CNOT1: variants seen among roughly 807,000 people sequenced by gnomAD.
CNOT1 encodes CCR4-associated factor 1.
A neutral mutation model predicts 273.8 loss-of-function variants in CNOT1; 15 were observed. The ratio of observed to expected loss-of-function variants is 0.05; its 90% CI spans 0.04 to 0.08. The LOEUF (loss-of-function observed/expected upper bound fraction) is 0.08, where lower values mean the gene tolerates loss of function less well. CNOT1 is among the 10% of genes least tolerant of loss of function. The probability of loss-of-function intolerance (pLI) is 1.00; values close to 1 mark genes in which losing one functional copy is unlikely to be tolerated. For synonymous variants in CNOT1, 1,022 were observed against 1,005.5 expected, an observed-to-expected ratio of 1.02 and a Z score of -0.31; for missense variants, 1,644 against 2,912.2, an observed-to-expected ratio of 0.56 and a Z score of 10.02.
rs1009202359 is a variant in CNOT1 at position 58,547,063 on chromosome 16, T to C, written c.3750+123A>G. On this transcript the variant is annotated intron_variant, in intron 27 of 48. Transcript: ENST00000317147. The surrounding 1 kb of genome is among the most constrained non-coding windows in gnomAD (Gnocchi z 4.0). The stretch of plus-strand genomic sequence containing the variant: ...TCTCAAATTGGAAATCCAAGTGCCA[T>C]AGAGGAAAACAGACTTAACTAGCTT... 5 of 1,332,770 alleles carry C rather than the reference T, an allele frequency of 3.8e-6. No individual in the cohort carries two copies. Among genetic ancestry groups the C allele is most frequent in the East Asian group, 4.9e-5 (2 of 40,832 alleles). 82.6% of individuals were successfully genotyped at this position (1,332,770 alleles called of 1,614,324 possible). A position where few individuals can be genotyped will look rare whatever the true frequency, so the allele number is the denominator to read the frequency against.
In CNOT1 at chr16:58,530,257, T is replaced by C; in HGVS notation, c.6268A>G (p.Ile2090Val). 2 of 1,604,470 alleles carry C rather than the reference T, an allele frequency of 1.2e-6. No homozygotes were observed. The highest frequency in any genetic ancestry group is 1.7e-6 in the Non-Finnish European group (2 of 1,173,432). The change falls in exon 43 of 49, where the codon ATC becomes GTC. Residue 2090 changes from isoleucine (I) to valine (V), a missense_variant. Ile to Val is a conservative substitution (Grantham distance 29, BLOSUM62 3). This residue lies in a region of CNOT1 where 25 missense variants were observed against 31.2 expected (regional missense o/e 0.80). Transcript: ENST00000317147. ...RNVELTKPMQILYKGTLRVLL... is the reference protein window; with the variant it reads ...RNVELTKPMQVLYKGTLRVLL... ...TCCAAGTTAATTACCTTGTAGAGGA[T>C]TTGCATAGGTTTGGTGAGTTCCACA...
At chr16:58,594,010 C>T (rs1422872578) in intron 2 of CNOT1, among the ~76,000 whole-genome samples, 2 of 151,758 alleles carry the variant, frequency 1.3e-5, no homozygotes, top group Admixed American at 6.6e-5. Context: ...TTTGGGAGGC[C>T]AAGGCGGGCA....
chr16:58,531,902 T>C, intron 42 of CNOT1, 56 bp downstream of exon 42: 3 of 1,588,592 alleles, frequency 1.9e-6, no homozygotes, highest in Non-Finnish European at 2.6e-6. Context: ...GCAATGCTAA[T>C]AAATAAGCCC....
At position 58,586,735 on chromosome 16, in the gene CNOT1, G is replaced by T; in HGVS notation, c.447C>A (p.Ile149=). The T allele has an allele frequency of 1.2e-6, 2 of 1,612,818 alleles. No individual in the cohort carries two copies. The highest frequency in any genetic ancestry group is 3.3e-4 in the Middle Eastern group (2 of 6,046). The part of the protein sequence containing the change: ...SDLRGFAAQF[I]KQKLPDLLRS... ...GCAGAAGATCTGGAAGCTTCTGTTT[G>T]ATAAACTGGGCAGCTAGAAGTCAGG... The change falls in exon 7 of 49, where the codon ATC becomes ATA. Residue 149 remains isoleucine, a synonymous_variant. Transcript: ENST00000317147.
chr16:58,557,135 C>G, intron 18 of CNOT1, 142 bp from the exon 19 acceptor site: 6 of 1,173,846 alleles, frequency 5.1e-6, no homozygotes, highest in Non-Finnish European at 6.9e-6. Flanking sequence ...TTTGTTAATT[C>G]CCTTATTACA....
chr16:58,557,715 G>A (rs976186640), intron 18 of CNOT1, among the ~76,000 whole-genome samples: 5 of 152,152 alleles, frequency 3.3e-5, no homozygotes, highest in Non-Finnish European at 2.9e-5. Context: ...GTGGCCAAGC[G>A]CAGTGGCTCA....
intron 2 of CNOT1, 55 bp from the exon 3 acceptor site, chr16:58,588,961 A>G (rs934484165): frequency 6.0e-6 from 9 of 1,490,650 alleles, no homozygotes; most frequent in East Asian, 4.9e-5. Flanking sequence ...AAAAAAAAAA[A>G]GTAAGGTTTC....
Position 58,546,423 on chromosome 16 carries a change from G to T in CNOT1, c.3904C>A (p.Leu1302Ile). The part of the protein sequence containing the change: ...LDINELKPGN[L>I]LKDKDRLKNL... Reference sequence around the variant, plus strand: ...TTCAGGCGATCTTTATCCTTTAGGAGGTTTCCAGGTTTTAGCTCATTGATG... The same window carrying T: ...TTCAGGCGATCTTTATCCTTTAGGATGTTTCCAGGTTTTAGCTCATTGATG... The change falls in exon 29 of 49, where the codon CTC (leucine) becomes ATC (isoleucine). Residue 1302 changes from leucine (L) to isoleucine (I), a missense_variant. Physicochemically the swap from Leu to Ile is conservative, Grantham distance 5. This residue lies in a region of CNOT1 where 124 missense variants were observed against 289.3 expected (regional missense o/e 0.43). Coordinates refer to ENST00000317147, the MANE Select transcript of CNOT1 (RefSeq NM_016284.5). The T allele has an allele frequency of 6.2e-7, 1 of 1,613,878 alleles. No homozygotes were observed.
rs1378976995 is a variant in CNOT1 at position 58,546,702 on chromosome 16, T to C, written c.3798A>G (p.Leu1266=). Residue 1266 remains leucine, a synonymous_variant, in exon 28 of 49, where the codon TTA becomes TTG. Transcript: ENST00000317147. Reference sequence around the variant, plus strand: ...AGTCATGCTCCTGATGTAGCTCAGCTAATACATTCATAATTGCCATTGTCC... The same window carrying C: ...AGTCATGCTCCTGATGTAGCTCAGCCAATACATTCATAATTGCCATTGTCC... The part of the protein sequence containing the change: ...NPWTMAIMNV[L]AELHQEHDLK... 6.2e-7 allele frequency: 1 copy of C among 1,613,980 alleles called. No individual in the cohort carries two copies. The highest frequency in any genetic ancestry group is 8.5e-7 in the Non-Finnish European group (1 of 1,179,936).
At chr16:58,527,670 TA>T (rs1390194647) in intron 44 of CNOT1, among the ~76,000 whole-genome samples, 1 of 152,222 alleles carries the variant, frequency 6.6e-6, no homozygotes, top group East Asian at 1.9e-4. Context: ...AGATGTCATT[TA>T]AGGGGATATG....
chr16:58,546,622 A>G (rs1358772341), intron 28 of CNOT1, 50 bp downstream of exon 28: 1 of 1,613,264 alleles, frequency 6.2e-7, no homozygotes, highest in Non-Finnish European at 8.5e-7. Flanking sequence ...GTAAGTTTTA[A>G]TAATGTGAAG....
chr16:58,602,299 G>C (rs1438574806), intron 1 of CNOT1, among the ~76,000 whole-genome samples: 1 of 151,844 alleles, frequency 6.6e-6, no homozygotes, highest in African/African-American at 2.4e-5. Context: ...TCGAACTCCC[G>C]ACCTCAGGTG....
chr16:58,569,505 T>C (rs534611299), intron 16 of CNOT1, among the ~76,000 whole-genome samples: 2 of 150,312 alleles, frequency 1.3e-5, no homozygotes, highest in African/African-American at 4.9e-5. Flanking sequence ...AGCATGTCCA[T>C]AGAAATTAGC....
chr16:58,612,797 AT>A (rs1310601537), intron 1 of CNOT1, among the ~76,000 whole-genome samples: 3 of 152,156 alleles, frequency 2.0e-5, no homozygotes, highest in African/African-American at 7.2e-5. Context: ...AAGATTCTAG[AT>A]TTATGGGGCA....
At chr16:58,523,206 C>CT (rs2151889946) in intron 47 of CNOT1, 164 bp downstream of exon 47, 1 of 570,578 alleles carries the variant, frequency 1.8e-6, no homozygotes, top group African/African-American at 1.9e-5. Flanking sequence ...GATGGCGCCA[C>CT]TGTACTGCAG....
chr16:58,575,734 G>T (rs746526636), intron 14 of CNOT1, among the ~76,000 whole-genome samples: 2 of 152,088 alleles, frequency 1.3e-5, no homozygotes, highest in Non-Finnish European at 2.9e-5. Context: ...GGGAGGCAGA[G>T]ATTGCAGTGA....
At chr16:58,601,881 A>G (rs1353548384) in intron 1 of CNOT1, among the ~76,000 whole-genome samples, 1 of 151,670 alleles carries the variant, frequency 6.6e-6, no homozygotes, top group South Asian at 2.1e-4. Flanking sequence ...TTAAAAAAAA[A>G]AAAAAGTAAA....
rs149955130 is a variant in CNOT1, at chr16:58,543,563, C to G, written c.4434+44G>C. The G allele has an allele frequency of 8.8e-4, 1,426 of 1,613,590 alleles. 10 individuals are homozygous for G. The African/African-American group carries it at 0.016, about 18-fold the overall frequency. On this transcript the variant is annotated intron_variant, in intron 31 of 48. Transcript: ENST00000317147. ...AAAGAAAAAAATTATTACAGACAAG[C>G]AGTAATACGTTTTGTACCTATACCA...
chr16:58,572,677 G>A (rs1157335596), intron 16 of CNOT1, among the ~76,000 whole-genome samples: 1 of 151,958 alleles, frequency 6.6e-6, no homozygotes, highest in Non-Finnish European at 1.5e-5. Context: ...GGAGGCCAAG[G>A]CAGGCAGATC....
Sources: gnomAD v4.1 joint callset for allele counts (sites outside exome capture counted in the v4.1 genomes callset) on GRCh38, gnomAD v4.1.1 for gene constraint, gnomAD v4.1.1 regional missense constraint, Gnocchi (gnomAD v3.1) non-coding constraint, MANE v1.5 for transcripts, NCBI Gene and HGNC (gene_info 2026-07-23, HGNC 2026-07-21) for gene names.